Variants in IFT43 observed in about 807,000 individuals in gnomAD.
The protein encoded by IFT43 is intraflagellar transport protein 43 homolog.
In IFT43, 33 loss-of-function variants were observed where a neutral mutation model predicts 32.3. The observed-to-expected ratio is 1.02, with a 90% confidence interval of 0.77 to 1.37. The LOEUF (loss-of-function observed/expected upper bound fraction) is 1.37, where lower values mean the gene tolerates loss of function less well. Ranked by LOEUF, IFT43 falls within the 40% of genes most tolerant of loss-of-function variation. The pLI is 0.00. For synonymous variants in IFT43, 93 were observed against 98.2 expected, an observed-to-expected ratio of 0.95 and a Z score of 0.31; for missense variants, 274 against 265.9, an observed-to-expected ratio of 1.03 and a Z score of -0.21.
chr14:76,059,049 G>T, intron 4 of IFT43: 1 of 1,424,028 alleles, frequency 7.0e-7, no homozygotes, highest in Non-Finnish European at 9.1e-7. Context: ...AAGGTGCTGT[G>T]AAGGTAGGGC....
At chr14:75,987,075 A>G (rs1051697681) in intron 1 of IFT43, among the ~76,000 whole-genome samples, 3 of 152,238 alleles carry the variant, frequency 2.0e-5, no homozygotes, top group Admixed American at 1.3e-4. Context: ...TTTCTACCCT[A>G]TGGATCTATA....
chr14:76,018,369 CTT>C, intron 2 of IFT43, among the ~76,000 whole-genome samples: 1 of 152,110 alleles, frequency 6.6e-6, no homozygotes, highest in East Asian at 1.9e-4. Context: ...CATAATTCCT[CTT>C]GTTATTGATT....
chr14:76,057,553 C>A (rs899254978), intron 3 of IFT43, among the ~76,000 whole-genome samples: 40 of 146,340 alleles, frequency 2.7e-4, no homozygotes, highest in Middle Eastern at 3.5e-3. Flanking sequence ...TTTTAATTGA[C>A]AAAAAAAAAA....
At chr14:76,017,075 A>T (rs1055676240) in intron 2 of IFT43, among the ~76,000 whole-genome samples, 1 of 152,160 alleles carries the variant, frequency 6.6e-6, no homozygotes, top group Non-Finnish European at 1.5e-5. Flanking sequence ...AACTTCCAGG[A>T]CTATGTTAAA....
At chr14:75,999,281 A>ATATTTTTTTTTTTT (rs1566699821) in intron 2 of IFT43, among the ~76,000 whole-genome samples, 2 of 39,064 alleles carry the variant, frequency 5.1e-5, no homozygotes, top group African/African-American at 2.4e-4. Context: ...ATGTATATAT[A>ATATTTTTTTTTTTT]TTTTTTTTTT....
chr14:76,010,904 C>CT (rs759636307), intron 2 of IFT43, among the ~76,000 whole-genome samples: 38 of 139,986 alleles, frequency 2.7e-4, no homozygotes, highest in South Asian at 6.9e-4. Context: ...CTCACTTCTC[C>CT]TTTTTTTTTT....
At chr14:76,032,188 T>A (rs1005051224) in intron 3 of IFT43, among the ~76,000 whole-genome samples, 1 of 152,178 alleles carries the variant, frequency 6.6e-6, no homozygotes, top group South Asian at 2.1e-4. Flanking sequence ...ATCACCCTAT[T>A]CAGTCTGCCA....
chr14:76,082,477 C>A, intron 6 of IFT43, 110 bp downstream of exon 6: 1 of 1,211,600 alleles, frequency 8.3e-7, no homozygotes, highest in Non-Finnish European at 1.2e-6. Context: ...TGGTGTTGGG[C>A]TCCATCCAGG....
chr14:75,999,255 ATATATATATATATATATG>A (rs1270876336), intron 2 of IFT43, among the ~76,000 whole-genome samples: 168 of 10,446 alleles, frequency 0.016, 10 homozygotes, highest in African/African-American at 0.065. Flanking sequence ...ATATATATAT[ATATATATATATATATATG>A]TATATATATT....
At chr14:76,040,202 G>A (rs1311863829) in intron 3 of IFT43, among the ~76,000 whole-genome samples, 1 of 151,982 alleles carries the variant, frequency 6.6e-6, no homozygotes, top group Non-Finnish European at 1.5e-5. Context: ...CCAGTACTTT[G>A]GCCTCTCAAA....
intron 5 of IFT43, among the ~76,000 whole-genome samples, chr14:76,074,808 C>T (rs59684108): frequency 0.013 from 1,926 of 152,278 alleles, 53 homozygotes; most frequent in African/African-American, 0.044. Flanking sequence ...TGCTGAAGAT[C>T]CAGCCAGATC....
intron 2 of IFT43, among the ~76,000 whole-genome samples, chr14:76,000,594 G>A (rs1594807308): frequency 1.3e-5 from 2 of 152,220 alleles, no homozygotes; most frequent in South Asian, 4.1e-4. Flanking sequence ...TTTTAAAAAG[G>A]TTCATCTATT....
chr14:76,002,451 A>G (rs2035906089), intron 2 of IFT43, among the ~76,000 whole-genome samples: 1 of 152,058 alleles, frequency 6.6e-6, no homozygotes, highest in African/African-American at 2.4e-5. Flanking sequence ...AAGTTGTTAG[A>G]TGAGGAGGGA....
At chr14:76,054,724 G>T (rs7141194) in intron 3 of IFT43, among the ~76,000 whole-genome samples, 1,940 of 152,252 alleles carry the variant, frequency 0.013, 53 homozygotes, top group African/African-American at 0.044. Flanking sequence ...AGGCACAGGG[G>T]CCCTGAGTAC....
Position 76,025,091 on chromosome 14 carries a change from A to AT in IFT43, c.215+2697_215+2698insT, listed in dbSNP as rs1242325750. Among the ~76,000 whole-genome samples the AT allele has an allele frequency of 4.6e-5, 7 of 152,188 alleles. No individual in the cohort carries two copies. The East Asian group carries it at 5.8e-4, about 13-fold the overall frequency. ...CAAGTCTTAGATGAAAGATAAAAAA[A>AT]ATATATATACCAGTGGGATGGCCAG... is the stretch of plus-strand genomic sequence containing the variant. On this transcript the variant is annotated intron_variant, in intron 3 of 8. Transcript: ENST00000314067.
At chr14:76,047,004 A>G (rs1036434162) in intron 3 of IFT43, among the ~76,000 whole-genome samples, 17 of 152,202 alleles carry the variant, frequency 1.1e-4, no homozygotes, top group Non-Finnish European at 2.5e-4. Context: ...CCTTGCTGCT[A>G]TGGACTCACA....
chr14:75,992,087 G>A (rs1282995224), intron 2 of IFT43, among the ~76,000 whole-genome samples: 2 of 152,202 alleles, frequency 1.3e-5, no homozygotes, highest in East Asian at 1.9e-4. Context: ...ACATGCTGGA[G>A]TTACTTTAGA....
At chr14:76,049,723 TAAGAA>T (rs2036877227) in intron 3 of IFT43, among the ~76,000 whole-genome samples, 1 of 38,328 alleles carries the variant, frequency 2.6e-5, no homozygotes, top group Non-Finnish European at 5.9e-5. Context: ...GTGGGAAGAA[TAAGAA>T]CTTCCATTTA....
At position 75,985,792 on chromosome 14, in the gene IFT43, G is replaced by C. The variant is rs1279332154; in HGVS notation, c.6G>C (p.Glu2Asp). Residue 2 changes from glutamate to aspartate, a missense_variant, in exon 1 of 9, where the codon GAG becomes GAC. By Grantham distance (45) the Glu-to-Asp change is conservative. Transcript: ENST00000314067. Reference sequence around the variant, plus strand: ...GACGTCAGGCGGCCGCGGAGATGGAGGATTTGCTCGACTTGGACGAGGAGC... The same window carrying C: ...GACGTCAGGCGGCCGCGGAGATGGACGATTTGCTCGACTTGGACGAGGAGC... MEDLLDLDEELR... is the reference protein window; with the variant it reads MDDLLDLDEELR... The C allele has an allele frequency of 6.2e-7, 1 of 1,614,092 alleles. No homozygotes were observed. Among genetic ancestry groups the C allele is most frequent in the African/African-American group, 1.3e-5 (1 of 74,940 alleles).
Sources: allele counts gnomAD v4.1 joint callset (sites outside exome capture counted in the v4.1 genomes callset), GRCh38; gene constraint gnomAD v4.1.1; transcripts MANE v1.5; gene names NCBI Gene and HGNC (gene_info 2026-07-23, HGNC 2026-07-21).